TAS2R1: variants seen among roughly 807,000 people sequenced by gnomAD.
TAS2R1 encodes taste 2 receptor member 1.
For synonymous variants in TAS2R1, 141 were observed against 134.2 expected (o/e 1.05, Z -0.35); for missense variants, 370 against 353.4 (o/e 1.05, Z -0.38).
chr5:9,775,387 AC>A, the TAS2R1 span, among the ~76,000 whole-genome samples: 1 of 152,184 alleles, frequency 6.6e-6, no homozygotes, highest in East Asian at 1.9e-4. Context: ...AACTTCTGGA[AC>A]TGGGGACCCT....
intron 2 of TAS2R1, among the ~76,000 whole-genome samples, chr5:9,657,937 T>G (rs1300988392): frequency 1.3e-5 from 2 of 152,182 alleles, no homozygotes; most frequent in African/African-American, 4.8e-5. Flanking sequence ...CATATCTGAC[T>G]GGGGGAAAAA....
chr5:9,886,330 C>CA, the TAS2R1 span, among the ~76,000 whole-genome samples: 3 of 98,066 alleles, frequency 3.1e-5, no homozygotes, highest in Non-Finnish European at 6.3e-5. Context: ...CTGCGCCCAG[C>CA]ATTTTTTTTT....
the TAS2R1 span, among the ~76,000 whole-genome samples, chr5:9,879,025 G>A: frequency 3.3e-5 from 5 of 152,248 alleles, no homozygotes; most frequent in African/African-American, 1.2e-4. Flanking sequence ...CCCAGAAGGT[G>A]TAATGGAGTG....
intron 1 of TAS2R1, among the ~76,000 whole-genome samples, chr5:9,670,226 C>T (rs910091084): frequency 1.3e-5 from 2 of 152,064 alleles, no homozygotes; most frequent in African/African-American, 4.8e-5. Context: ...CTGAACAGAT[C>T]AATAATGAGT....
the TAS2R1 span, among the ~76,000 whole-genome samples, chr5:9,898,958 G>A: frequency 2.2e-4 from 33 of 152,184 alleles, no homozygotes; most frequent in African/African-American, 5.1e-4. Flanking sequence ...CGTTGAAGAC[G>A]GGAAGTGGAC....
intron 2 of TAS2R1, among the ~76,000 whole-genome samples, chr5:9,638,978 G>A (rs1178754472): frequency 9.9e-5 from 15 of 152,238 alleles, no homozygotes; most frequent in South Asian, 2.1e-4. Context: ...CAGTGCCCCC[G>A]CTCAGTGCCC....
At chr5:9,669,495 T>C (rs1740708315) in intron 1 of TAS2R1, among the ~76,000 whole-genome samples, 1 of 151,904 alleles carries the variant, frequency 6.6e-6, no homozygotes, top group South Asian at 2.1e-4. Context: ...ACCTCTAAAA[T>C]CAACCACACA....
intron 1 of TAS2R1, among the ~76,000 whole-genome samples, chr5:9,670,153 G>A (rs1740721212): frequency 6.6e-6 from 1 of 152,026 alleles, no homozygotes; most frequent in African/African-American, 2.4e-5. Context: ...AAAACTAGAG[G>A]AAATAGATAA....
chr5:9,708,552 T>C (rs1195010121), intron 1 of TAS2R1, among the ~76,000 whole-genome samples: 2 of 152,176 alleles, frequency 1.3e-5, no homozygotes, highest in Admixed American at 6.5e-5. Context: ...GTCTGTCACA[T>C]ACTATTTATA....
the TAS2R1 span, among the ~76,000 whole-genome samples, chr5:9,745,546 C>T: frequency 6.6e-6 from 1 of 152,088 alleles, no homozygotes. Context: ...ACCAAAACAG[C>T]ATGGTACTGG....
At chr5:9,649,964 T>A (rs541138335) in intron 2 of TAS2R1, among the ~76,000 whole-genome samples, 1 of 152,174 alleles carries the variant, frequency 6.6e-6, no homozygotes, top group South Asian at 2.1e-4. Flanking sequence ...TGCAGGTAAA[T>A]TTCCAATTAA....
chr5:9,777,163 T>C, the TAS2R1 span, among the ~76,000 whole-genome samples: 1 of 152,204 alleles, frequency 6.6e-6, no homozygotes, highest in Admixed American at 6.5e-5. Context: ...TGAAGTTTGC[T>C]GCATCGATTG....
chr5:9,815,215 G>C, the TAS2R1 span, among the ~76,000 whole-genome samples: 1 of 152,222 alleles, frequency 6.6e-6, no homozygotes, highest in Non-Finnish European at 1.5e-5. Flanking sequence ...ACCAGATTAA[G>C]ATAGCCAGCA....
At chr5:9,790,799 T>G in the TAS2R1 span, among the ~76,000 whole-genome samples, 1 of 152,080 alleles carries the variant, frequency 6.6e-6, no homozygotes, top group African/African-American at 2.4e-5. Context: ...TGGCTAATTT[T>G]TTTTTGTATT....
At chr5:9,880,229 C>T in the TAS2R1 span, among the ~76,000 whole-genome samples, 1 of 152,160 alleles carries the variant, frequency 6.6e-6, no homozygotes, top group African/African-American at 2.4e-5. Flanking sequence ...GAGTAATCTT[C>T]TATTGTTATG....
chr5:9,895,191 C>T, the TAS2R1 span, among the ~76,000 whole-genome samples: 336 of 152,274 alleles, frequency 2.2e-3, 5 homozygotes, highest in Non-Finnish European at 1.1e-3. Flanking sequence ...GGGATTAAGG[C>T]AGTATGGCTT....
the TAS2R1 span, among the ~76,000 whole-genome samples, chr5:9,860,240 T>C: frequency 6.6e-6 from 1 of 152,326 alleles, no homozygotes; most frequent in South Asian, 2.1e-4. Context: ...TCAAGTAACA[T>C]TTTTCTAGAC....
chr5:9,730,713 C>T, the TAS2R1 span, among the ~76,000 whole-genome samples: 1 of 152,128 alleles, frequency 6.6e-6, no homozygotes, highest in African/African-American at 2.4e-5. Context: ...TATGGTTTGG[C>T]TGTGTCCCCA....
the TAS2R1 span, among the ~76,000 whole-genome samples, chr5:9,819,972 C>G: frequency 6.6e-6 from 1 of 152,028 alleles, no homozygotes; most frequent in Non-Finnish European, 1.5e-5. Flanking sequence ...GACAAGCCAG[C>G]TCCATGAAAC....
Sources: allele counts gnomAD v4.1 joint callset (sites outside exome capture counted in the v4.1 genomes callset), GRCh38; gene constraint gnomAD v4.1.1; transcripts MANE v1.5; gene names NCBI Gene and HGNC (gene_info 2026-07-23, HGNC 2026-07-21).